Variants in RPSA2 observed in about 807,000 individuals in gnomAD.
The protein encoded by RPSA2 is ribosomal protein SA 2.
chr19:23,857,982 A>C, the RPSA2 span, among the ~76,000 whole-genome samples: 1 of 152,024 alleles, frequency 6.6e-6, no homozygotes, highest in Non-Finnish European at 1.5e-5. Flanking sequence ...ATTTACATTC[A>C]CTGGAGAAAG....
At chr19:23,797,679 T>A in the RPSA2 span, among the ~76,000 whole-genome samples, 1 of 152,252 alleles carries the variant, frequency 6.6e-6, no homozygotes, top group Non-Finnish European at 1.5e-5. Context: ...GCCTGTGGGA[T>A]GTTGTAGTCT....
the RPSA2 span, among the ~76,000 whole-genome samples, chr19:23,870,512 C>T: frequency 1.3e-5 from 1 of 77,770 alleles, no homozygotes; most frequent in Non-Finnish European, 2.6e-5. Flanking sequence ...TCACCTTTGA[C>T]ATTGGTGAAT....
chr19:23,771,392 C>T, the RPSA2 span, among the ~76,000 whole-genome samples: 1 of 152,164 alleles, frequency 6.6e-6, no homozygotes, highest in Non-Finnish European at 1.5e-5. Flanking sequence ...TACACAAATC[C>T]AGACCGTCAT....
At chr19:23,833,019 T>A in the RPSA2 span, 3 of 1,403,660 alleles carry the variant, frequency 2.1e-6, no homozygotes, top group Non-Finnish European at 2.8e-6. Context: ...CAATTTTTGC[T>A]AACCATAAGA....
At chr19:23,819,172 T>C in the RPSA2 span, 22 of 152,190 alleles carry the variant, frequency 1.4e-4, no homozygotes, top group Non-Finnish European at 5.9e-5. Flanking sequence ...TAACCACTTT[T>C]ACTTTCCTGA....
the RPSA2 span, among the ~76,000 whole-genome samples, chr19:23,861,765 A>G: frequency 6.6e-6 from 1 of 152,136 alleles, no homozygotes; most frequent in Non-Finnish European, 1.5e-5. Context: ...ATTAGCTAAA[A>G]TGAGCTGTTG....
At chr19:23,817,150 G>C in the RPSA2 span, among the ~76,000 whole-genome samples, 1 of 152,184 alleles carries the variant, frequency 6.6e-6, no homozygotes, top group South Asian at 2.1e-4. Flanking sequence ...GGGAGGCCGA[G>C]GTGGGCGGAT....
At chr19:23,773,142 G>C in the RPSA2 span, among the ~76,000 whole-genome samples, 1 of 151,158 alleles carries the variant, frequency 6.6e-6, no homozygotes, top group African/African-American at 2.4e-5. Context: ...TGTTGCCCAG[G>C]CTGGAGTGCA....
At chr19:23,857,788 C>T in the RPSA2 span, among the ~76,000 whole-genome samples, 2 of 152,032 alleles carry the variant, frequency 1.3e-5, no homozygotes, top group Non-Finnish European at 2.9e-5. Context: ...AGCCACTGCA[C>T]CTGGCCCTTT....
the RPSA2 span, among the ~76,000 whole-genome samples, chr19:23,783,532 G>T: frequency 2.0e-5 from 2 of 101,124 alleles, no homozygotes; most frequent in Non-Finnish European, 3.9e-5. Context: ...TTCTGCTTGA[G>T]CACTGCCAAA....
the RPSA2 span, among the ~76,000 whole-genome samples, chr19:23,811,182 A>G: frequency 6.6e-6 from 1 of 151,776 alleles, no homozygotes; most frequent in Non-Finnish European, 1.5e-5. Context: ...CCACCCAGCT[A>G]AATTTTGTGT....
chr19:23,800,056 T>C, the RPSA2 span, among the ~76,000 whole-genome samples: 2 of 140,090 alleles, frequency 1.4e-5, no homozygotes, highest in African/African-American at 5.4e-5. Context: ...TGAGACAGAG[T>C]CTCGCTGTAT....
chr19:23,794,174 A>G, the RPSA2 span, among the ~76,000 whole-genome samples: 148,990 of 152,316 alleles, frequency 0.98, 72,959 homozygotes, highest in Middle Eastern at 1. Context: ...TTGTGCATGC[A>G]TCTTTATGAT....
the RPSA2 span, chr19:23,808,017 T>C: frequency 3.0e-5 from 6 of 200,974 alleles, no homozygotes; most frequent in South Asian, 2.0e-4. Context: ...TTTCTGGTAA[T>C]TTATGCTTTC....
the RPSA2 span, among the ~76,000 whole-genome samples, chr19:23,794,355 A>T: frequency 6.6e-6 from 1 of 152,094 alleles, no homozygotes; most frequent in Non-Finnish European, 1.5e-5. Flanking sequence ...TGCAACCCTG[A>T]CAGCATCTAT....
At chr19:23,820,203 G>T in the RPSA2 span, among the ~76,000 whole-genome samples, 1 of 152,158 alleles carries the variant, frequency 6.6e-6, no homozygotes, top group Admixed American at 6.5e-5. Flanking sequence ...CTGGGCACAA[G>T]TTAGGCATTG....
chr19:23,800,739 G>A, the RPSA2 span, among the ~76,000 whole-genome samples: 1 of 151,904 alleles, frequency 6.6e-6, no homozygotes, highest in African/African-American at 2.4e-5. Flanking sequence ...TCAGTGTCCC[G>A]AGTAGCTGGG....
chr19:23,855,272 T>C, the RPSA2 span, among the ~76,000 whole-genome samples: 1 of 152,326 alleles, frequency 6.6e-6, no homozygotes, highest in African/African-American at 2.4e-5. Context: ...CCACAAGGTA[T>C]GCAATTGTAA....
chr19:23,785,773 A>G, the RPSA2 span, among the ~76,000 whole-genome samples: 1 of 152,156 alleles, frequency 6.6e-6, no homozygotes, highest in Non-Finnish European at 1.5e-5. Flanking sequence ...CACAGGTGCA[A>G]TGGTGACTCT....
Sources: gnomAD v4.1 joint callset for allele counts (sites outside exome capture counted in the v4.1 genomes callset) on GRCh38, gnomAD v4.1.1 for gene constraint, MANE v1.5 for transcripts, NCBI Gene and HGNC (gene_info 2026-07-23, HGNC 2026-07-21) for gene names.